AATF: variants seen among roughly 807,000 people sequenced by gnomAD.
The protein encoded by AATF is protein AATF.
In AATF, 48 loss-of-function variants were observed where a neutral mutation model predicts 63.7. The ratio of observed to expected loss-of-function variants is 0.75; its 90% CI spans 0.60 to 0.96. The LOEUF is 0.96. AATF is among the 40% of genes least tolerant of loss of function. The pLI is 0.00. For synonymous variants in AATF, 258 were observed against 247.7 expected (o/e 1.04, Z -0.39); for missense variants, 639 against 685.7 (o/e 0.93, Z 0.76).
intron 11 of AATF, among the ~76,000 whole-genome samples, chr17:37,048,370 T>C (rs2071713616): frequency 7.1e-6 from 1 of 140,588 alleles, no homozygotes; most frequent in African/African-American, 2.7e-5. Context: ...TTTCTTTTTT[T>C]TTTTTTTTTT....
intron 4 of AATF, among the ~76,000 whole-genome samples, chr17:36,973,623 G>A (rs2071056667): frequency 1.3e-5 from 2 of 152,208 alleles, no homozygotes; most frequent in African/African-American, 4.8e-5. Context: ...CCTGGATACT[G>A]TTTCATTCAC....
chr17:36,952,129 C>T (rs911049707), intron 2 of AATF, among the ~76,000 whole-genome samples: 5 of 152,254 alleles, frequency 3.3e-5, no homozygotes. Context: ...CTTCCTTGTG[C>T]ATCCTGCACT....
At chr17:36,953,610 T>G (rs2070875011) in intron 3 of AATF, among the ~76,000 whole-genome samples, 160 bp from the exon 4 acceptor site, 1 of 152,224 alleles carries the variant, frequency 6.6e-6, no homozygotes, top group Non-Finnish European at 1.5e-5. Flanking sequence ...GGATACTGAA[T>G]TTATTTTCTC....
Position 36,952,995 on chromosome 17 carries a change from T to G in AATF, c.393T>G (p.Gly131=), listed in dbSNP as rs1396365680. ...DLGAAEEQEC[G]DHRESKKSRS... ...GTGCTGCTGAGGAACAGGAGTGTGG[T>G]GATCACAGGGAGAGCAAGAAGAGCA... is the stretch of plus-strand genomic sequence containing the variant. The change falls in exon 3 of 12, where the codon GGT becomes GGG. Residue 131 remains glycine, a synonymous_variant. Coordinates refer to ENST00000619387, the MANE Select transcript of AATF (RefSeq NM_012138.4). 6.2e-7 allele frequency: 1 copy of G among 1,614,052 alleles called. No homozygotes were observed. Among genetic ancestry groups the G allele is most frequent in the Non-Finnish European group, 8.5e-7 (1 of 1,180,008 alleles).
At chr17:36,959,793 G>T (rs1387013579) in intron 4 of AATF, among the ~76,000 whole-genome samples, 1 of 152,110 alleles carries the variant, frequency 6.6e-6, no homozygotes, top group East Asian at 1.9e-4. Flanking sequence ...TTGTCATTTT[G>T]ATATTTCCCG....
intron 4 of AATF, among the ~76,000 whole-genome samples, chr17:36,983,641 G>C (rs547123717): frequency 6.6e-6 from 1 of 152,264 alleles, no homozygotes; most frequent in South Asian, 2.1e-4. Flanking sequence ...GTGAGCCACT[G>C]TGCCCAGACT....
At chr17:37,002,485 G>A (rs909600575) in intron 8 of AATF, among the ~76,000 whole-genome samples, 1 of 150,962 alleles carries the variant, frequency 6.6e-6, no homozygotes, top group African/African-American at 2.4e-5. Flanking sequence ...GGCTAACACG[G>A]TGAAACCCTG....
At chr17:36,952,013 C>T (rs1597695646) in intron 2 of AATF, among the ~76,000 whole-genome samples, 1 of 152,302 alleles carries the variant, frequency 6.6e-6, no homozygotes, top group East Asian at 1.9e-4. Context: ...ATACTCTAAG[C>T]ATAAGTCAAA....
intron 11 of AATF, among the ~76,000 whole-genome samples, chr17:37,038,030 G>T (rs1411498494): frequency 6.6e-6 from 1 of 152,168 alleles, no homozygotes; most frequent in Non-Finnish European, 1.5e-5. Context: ...CCTGGTTCAT[G>T]CTTCCTGTAC....
chr17:36,968,477 T>G (rs920399682), intron 4 of AATF, among the ~76,000 whole-genome samples: 13 of 151,712 alleles, frequency 8.6e-5, no homozygotes, highest in African/African-American at 3.2e-4. Context: ...GGTTTTGCTG[T>G]GTTGGCCAGG....
intron 10 of AATF, among the ~76,000 whole-genome samples, chr17:37,025,663 T>C (rs977086345): frequency 1.3e-5 from 2 of 152,222 alleles, no homozygotes; most frequent in Non-Finnish European, 2.9e-5. Context: ...TTCCAGAAAC[T>C]GCAAACTAAA....
chr17:37,002,167 A>G (rs562058190), intron 8 of AATF, among the ~76,000 whole-genome samples: 123 of 147,722 alleles, frequency 8.3e-4, no homozygotes, highest in Admixed American at 2.9e-3. Flanking sequence ...GCACCACTGC[A>G]CTCCAGTCTG....
chr17:36,966,365 A>G (rs905710292), intron 4 of AATF, among the ~76,000 whole-genome samples: 11 of 152,016 alleles, frequency 7.2e-5, no homozygotes, highest in African/African-American at 2.4e-4. Flanking sequence ...CCTGGGCTCA[A>G]GTGATGCTCC....
At chr17:37,030,627 C>T (rs1380816761) in intron 10 of AATF, among the ~76,000 whole-genome samples, 1 of 152,068 alleles carries the variant, frequency 6.6e-6, no homozygotes, top group Non-Finnish European at 1.5e-5. Context: ...ATAACTTAAA[C>T]TTCCATAGTA....
chr17:37,049,554 G>A (rs1365936054), intron 11 of AATF, among the ~76,000 whole-genome samples: 6 of 150,366 alleles, frequency 4.0e-5, no homozygotes, highest in African/African-American at 9.8e-5. Flanking sequence ...GCAGCAAGCC[G>A]AGATGGCGCC....
At chr17:36,973,119 C>G (rs1420697318) in intron 4 of AATF, among the ~76,000 whole-genome samples, 1 of 135,888 alleles carries the variant, frequency 7.4e-6, no homozygotes, top group African/African-American at 3.5e-5. Context: ...TTCTTTTCTT[C>G]TTTCTTTCTT....
intron 4 of AATF, among the ~76,000 whole-genome samples, chr17:36,982,303 C>T (rs889778338): frequency 1.3e-4 from 19 of 146,018 alleles, no homozygotes; most frequent in African/African-American, 4.5e-4. Context: ...CAACGATGAA[C>T]TGTGATGGTG....
chr17:36,962,462 G>C (rs2070955303), intron 4 of AATF, among the ~76,000 whole-genome samples: 1 of 152,126 alleles, frequency 6.6e-6, no homozygotes, highest in Non-Finnish European at 1.5e-5. Context: ...TGTGAGCTAA[G>C]GGCAGCTTAA....
intron 4 of AATF, among the ~76,000 whole-genome samples, chr17:36,974,836 T>G (rs2071067617): frequency 6.6e-6 from 1 of 152,206 alleles, no homozygotes; most frequent in South Asian, 2.1e-4. Context: ...ATAGATGATC[T>G]TCTTGTCAGT....
Sources: allele counts gnomAD v4.1 joint callset (sites outside exome capture counted in the v4.1 genomes callset), GRCh38; gene constraint gnomAD v4.1.1; transcripts MANE v1.5; gene names NCBI Gene and HGNC (gene_info 2026-07-23, HGNC 2026-07-21).